SHTN1: variants seen among roughly 807,000 people sequenced by gnomAD.
SHTN1 encodes the protein shootin 1.
A neutral mutation model predicts 83.1 loss-of-function variants in SHTN1; 42 were observed. The ratio of observed to expected loss-of-function variants is 0.51; its 90% CI spans 0.39 to 0.65. SHTN1 has a LOEUF of 0.65. Ranked by LOEUF, SHTN1 falls within the 30% of genes least tolerant of loss-of-function variation. SHTN1 has a pLI of 0.00. For missense variants in SHTN1, 622 were observed against 737.8 expected, an observed-to-expected ratio of 0.84 and a Z score of 1.82; for synonymous variants, 224 against 247.7, an observed-to-expected ratio of 0.90 and a Z score of 0.90.
Position 116,996,935 on chromosome 10 carries a change from A to G in SHTN1, c.58+8087T>C, listed in dbSNP as rs142887010. 5.3e-3 allele frequency among the ~76,000 whole-genome samples: 810 copies of G among 152,326 alleles called. 11 individuals carry two copies. Among genetic ancestry groups the G allele is most frequent in the African/African-American group, 0.018 (764 of 41,580 alleles). ...ATAATATGTGAGACTTTCTGAAAGT[A>G]AAGTTTCAAAGGGGAGAACTGAAGG... On this transcript the variant is annotated intron_variant, in intron 1 of 16. Transcript: ENST00000355371.
Position 117,005,182 on chromosome 10 carries a change from T to C in SHTN1, c.-103A>G. ...AGATGCCGGTGGCTTGCGGCTCCAC[T>C]ACCCGGAAGTTGGATCCGCTCCCGC... On this transcript the variant is annotated 5_prime_UTR_variant, in exon 1 of 17. Coordinates refer to ENST00000355371, the MANE Select transcript of SHTN1 (RefSeq NM_001127211.3). 2 of 1,535,260 alleles carry C rather than the reference T, an allele frequency of 1.3e-6. No individual in the cohort carries two copies. Among genetic ancestry groups the C allele is most frequent in the Non-Finnish European group, 1.8e-6 (2 of 1,140,670 alleles).
chr10:116,996,703 A>T (rs957979160), intron 1 of SHTN1, among the ~76,000 whole-genome samples: 1 of 152,182 alleles, frequency 6.6e-6, no homozygotes, highest in African/African-American at 2.4e-5. Context: ...ACCTAACATT[A>T]AAGAGATCAC....
intron 16 of SHTN1, among the ~76,000 whole-genome samples, chr10:116,898,155 G>C (rs1021080677): frequency 1.3e-5 from 2 of 151,802 alleles, no homozygotes; most frequent in Admixed American, 6.6e-5. Flanking sequence ...TAGTGAAACC[G>C]CGTCTCTACT....
At chr10:116,891,941 C>T (rs577420518) in intron 16 of SHTN1, among the ~76,000 whole-genome samples, 18 of 152,148 alleles carry the variant, frequency 1.2e-4, no homozygotes, top group African/African-American at 4.8e-5. Context: ...TTTGGGTCCA[C>T]TTCTATTTGT....
At chr10:116,962,636 A>G (rs1850222905) in intron 3 of SHTN1, among the ~76,000 whole-genome samples, 1 of 152,196 alleles carries the variant, frequency 6.6e-6, no homozygotes, top group Non-Finnish European at 1.5e-5. Context: ...GAAACAAAAC[A>G]AAACAAAAAA....
At chr10:116,960,311 A>G in intron 3 of SHTN1, 81 bp from the exon 4 acceptor site, 1 of 782,278 alleles carries the variant, frequency 1.3e-6, no homozygotes, top group Admixed American at 2.0e-5. Context: ...TCCCATGATT[A>G]AGAATACTTC....
At chr10:117,006,458 C>T (rs1480730066), upstream of SHTN1, among the ~76,000 whole-genome samples, 1 of 149,334 alleles carries the variant, frequency 6.7e-6, no homozygotes, top group Admixed American at 6.8e-5. Context: ...CCCACCTACT[C>T]GGGAAGCTGA....
rs761174075 is a variant in SHTN1, at chr10:116,886,466, T to A, written c.1774A>T (p.Thr592Ser). 2.5e-6 allele frequency: 4 copies of A among 1,613,918 alleles called. No individual in the cohort carries two copies. In the African/African-American group the frequency reaches 4.0e-5, roughly 16 times the overall value. Residue 592 changes from threonine to serine, a missense_variant, in exon 17 of 17, where the codon ACC becomes TCC. Around this residue, in one of 3 missense-constraint regions of SHTN1, gnomAD observed 231 missense variants for 251.6 expected, o/e 0.92. Coordinates refer to ENST00000355371, the MANE Select transcript of SHTN1 (RefSeq NM_001127211.3). ...LDPVSTHEPQ[T>S]KDQVAEKDPT... ...TCTTTTTCAGCAACCTGGTCTTTGGTTTGGGGTTCATGTGTAGAAACAGGA... is the reference window on the plus strand; with the variant it reads ...TCTTTTTCAGCAACCTGGTCTTTGGATTGGGGTTCATGTGTAGAAACAGGA...
Position 116,901,025 on chromosome 10 carries a change from G to A in SHTN1, c.1673+740C>T, listed in dbSNP as rs979981835. ...GGTTCTTTCTCTCTTGATAGGACAGGAAATCAGAGGTTTAATTAACCATGA... is the reference window on the plus strand; with the variant it reads ...GGTTCTTTCTCTCTTGATAGGACAGAAAATCAGAGGTTTAATTAACCATGA... On this transcript the variant is annotated intron_variant, in intron 16 of 16. Transcript: ENST00000355371. 1.0e-5 allele frequency: 10 copies of A among 985,246 alleles called. No individual in the cohort carries two copies. The African/African-American group carries it at 1.6e-4, about 15-fold the overall frequency. The allele number at this position is 985,246 out of a possible 1,614,324, so 61.0% of individuals were successfully genotyped here. A position where few individuals can be genotyped will look rare whatever the true frequency, so the allele number is the denominator to read the frequency against.
intron 1 of SHTN1, among the ~76,000 whole-genome samples, chr10:117,102,259 C>T (rs1853604803): frequency 6.6e-6 from 1 of 152,110 alleles, no homozygotes; most frequent in Non-Finnish European, 1.5e-5. Flanking sequence ...ATACAGCTAT[C>T]CTTTAGACTC....
intron 1 of SHTN1, among the ~76,000 whole-genome samples, chr10:117,097,998 C>G (rs1019942062): frequency 6.6e-5 from 10 of 151,616 alleles, no homozygotes; most frequent in African/African-American, 2.2e-4. Context: ...AGTGGATAGT[C>G]CCCAGAACAA....
At chr10:116,972,259 G>A (rs1271405992) in intron 2 of SHTN1, among the ~76,000 whole-genome samples, 2 of 152,126 alleles carry the variant, frequency 1.3e-5, no homozygotes, top group Non-Finnish European at 2.9e-5. Context: ...TCTATCAGGG[G>A]TCTTCATGTT....
At chr10:117,066,419 G>C (rs891892236) in intron 1 of SHTN1, among the ~76,000 whole-genome samples, 12 of 152,284 alleles carry the variant, frequency 7.9e-5, no homozygotes, top group Non-Finnish European at 1.8e-4. Flanking sequence ...TAGTGTTATG[G>C]GTAGAATTAA....
At chr10:117,035,080 A>G (rs1852475380) in intron 2 of SHTN1, among the ~76,000 whole-genome samples, 1 of 152,220 alleles carries the variant, frequency 6.6e-6, no homozygotes, top group East Asian at 1.9e-4. Flanking sequence ...TTCTAATTAT[A>G]CTATGGGGCT....
At chr10:117,103,707 T>G (rs1589933824) in intron 1 of SHTN1, among the ~76,000 whole-genome samples, 1 of 151,556 alleles carries the variant, frequency 6.6e-6, no homozygotes. Context: ...CGGCCAATTT[T>G]TTGTATTTTT....
At chr10:116,991,486 T>C (rs112036239) in intron 1 of SHTN1, among the ~76,000 whole-genome samples, 1 of 152,232 alleles carries the variant, frequency 6.6e-6, no homozygotes, top group Admixed American at 6.5e-5. Context: ...GGAGCGATCA[T>C]ACGGTGAGAG....
chr10:116,915,067 A>G (rs1564874117), intron 13 of SHTN1, among the ~76,000 whole-genome samples: 1 of 152,206 alleles, frequency 6.6e-6, no homozygotes, highest in Non-Finnish European at 1.5e-5. Flanking sequence ...ATCACACAAA[A>G]GAATCAGGAA....
At chr10:117,115,433 A>G (rs963676653) in intron 1 of SHTN1, among the ~76,000 whole-genome samples, 3 of 152,184 alleles carry the variant, frequency 2.0e-5, no homozygotes, top group African/African-American at 7.2e-5. Context: ...AGGGAATGTT[A>G]GTTTTCTTTC....
At chr10:116,978,208 AT>A (rs1260563168) in intron 2 of SHTN1, among the ~76,000 whole-genome samples, 3 of 152,220 alleles carry the variant, frequency 2.0e-5, no homozygotes, top group African/African-American at 7.2e-5. Context: ...TAGGTGGCAA[AT>A]TAATAGTGAA....
Sources: gnomAD v4.1 joint callset for allele counts (sites outside exome capture counted in the v4.1 genomes callset) on GRCh38, gnomAD v4.1.1 for gene constraint, gnomAD v4.1.1 regional missense constraint, MANE v1.5 for transcripts, NCBI Gene and HGNC (gene_info 2026-07-23, HGNC 2026-07-21) for gene names.